INPP4A: variants seen among roughly 807,000 people sequenced by gnomAD.
INPP4A encodes the protein inositol polyphosphate-4-phosphatase type I A, also known as inositol polyphosphate-4-phosphatase, type I, 107kD.
In INPP4A, 33 loss-of-function variants were observed where a neutral mutation model predicts 119.8. The ratio of observed to expected loss-of-function variants is 0.28; its 90% CI spans 0.21 to 0.37. The LOEUF is 0.37. INPP4A is among the 10% of genes least tolerant of loss of function. The probability of loss-of-function intolerance (pLI) is 1.00; values close to 1 mark genes in which losing one functional copy is unlikely to be tolerated. For missense variants in INPP4A, 956 were observed against 1,289.9 expected (o/e 0.74, Z 3.97); for synonymous variants, 496 against 500.7 (o/e 0.99, Z 0.12).
At chr2:98,550,232 C>G (rs1008836190) in intron 13 of INPP4A, among the ~76,000 whole-genome samples, 5 of 152,082 alleles carry the variant, frequency 3.3e-5, no homozygotes, top group Non-Finnish European at 7.4e-5. Flanking sequence ...AAGACTGTCC[C>G]TGAAGCAGGG....
At chr2:98,539,222 A>T (rs1690921956) in intron 9 of INPP4A, among the ~76,000 whole-genome samples, 1 of 152,272 alleles carries the variant, frequency 6.6e-6, no homozygotes, top group South Asian at 2.1e-4. Flanking sequence ...CAAGGAAGTA[A>T]TACTTCATCT....
At chr2:98,525,090 T>C (rs1302144908) in intron 4 of INPP4A, among the ~76,000 whole-genome samples, 1 of 152,246 alleles carries the variant, frequency 6.6e-6, no homozygotes, top group Non-Finnish European at 1.5e-5. Flanking sequence ...ATCTATTTCC[T>C]TGCTCATTCG....
intron 13 of INPP4A, among the ~76,000 whole-genome samples, chr2:98,547,429 C>G (rs1216707739): frequency 6.6e-6 from 1 of 152,130 alleles, no homozygotes; most frequent in Admixed American, 6.5e-5. Context: ...ATCCACCCAG[C>G]CCCCAGGGGT....
intron 24 of INPP4A, among the ~76,000 whole-genome samples, chr2:98,585,795 C>T (rs987859190): frequency 1.3e-5 from 2 of 152,248 alleles, no homozygotes; most frequent in African/African-American, 4.8e-5. Flanking sequence ...GTTCAGCCAG[C>T]TAAACTAGGC....
chr2:98,477,917 C>G (rs1005699459), intron 1 of INPP4A, among the ~76,000 whole-genome samples: 2 of 152,198 alleles, frequency 1.3e-5, no homozygotes, highest in Non-Finnish European at 2.9e-5. Flanking sequence ...GGAGGACCAC[C>G]AGCAGCCGTG....
In INPP4A at chr2:98,519,889, G is replaced by A. The variant is rs17032881; in HGVS notation, c.-103-57G>A. On this transcript the variant is annotated intron_variant, in intron 2 of 24. Coordinates refer to ENST00000409851, the MANE Select transcript of INPP4A (RefSeq NM_001134225.2). ...TAGGTCACGTTCTTTCTAAATGAGA[G>A]CATGATTTCTCTCCATCACCGTCCC... 1.1e-3 allele frequency: 691 copies of A among 637,602 alleles called. 7 individuals carry two copies. In the African/African-American group the frequency reaches 0.011, roughly 10 times the overall value. 39.5% of individuals were successfully genotyped at this position (637,602 alleles called of 1,614,324 possible).
chr2:98,468,823 G>A (rs569142121), intron 1 of INPP4A, among the ~76,000 whole-genome samples: 13 of 150,702 alleles, frequency 8.6e-5, no homozygotes, highest in African/African-American at 3.0e-4. Context: ...TTGAGAGCCA[G>A]AGAGACCCAA....
At chr2:98,581,489 ATCCATC>A in intron 24 of INPP4A, 1 of 1,298,092 alleles carries the variant, frequency 7.7e-7, no homozygotes, top group South Asian at 1.6e-5. Flanking sequence ...TTTTGATAAA[ATCCATC>A]GCATGTGTCT....
chr2:98,513,745 G>A (rs1431957480), intron 1 of INPP4A, among the ~76,000 whole-genome samples: 2 of 152,234 alleles, frequency 1.3e-5, no homozygotes, highest in Non-Finnish European at 2.9e-5. Context: ...TACTGCTCCT[G>A]TTCTCTCTGT....
At chr2:98,573,401 G>C (rs1697833001) in intron 23 of INPP4A, among the ~76,000 whole-genome samples, 1 of 152,194 alleles carries the variant, frequency 6.6e-6, no homozygotes, top group African/African-American at 2.4e-5. Flanking sequence ...CTCTGAGCCT[G>C]GGTAACAGAC....
At chr2:98,480,069 T>C (rs1279509980) in intron 1 of INPP4A, among the ~76,000 whole-genome samples, 3 of 152,260 alleles carry the variant, frequency 2.0e-5, no homozygotes, top group African/African-American at 7.2e-5. Context: ...CTTGCTGTCC[T>C]TGCCAGCACC....
intron 1 of INPP4A, among the ~76,000 whole-genome samples, chr2:98,513,187 C>T (rs1350627687): frequency 1.3e-5 from 2 of 152,158 alleles, no homozygotes; most frequent in Non-Finnish European, 2.9e-5. Context: ...CCTGCATCGC[C>T]TCCCAGAATC....
Position 98,554,163 on chromosome 2 carries a change from A to G in INPP4A, c.1348-108A>G. On this transcript the variant is annotated intron_variant, in intron 14 of 24. Coordinates refer to ENST00000409851, the MANE Select transcript of INPP4A (RefSeq NM_001134225.2). This position sits in a 1 kb window ranked among gnomAD's most constrained non-coding sequence, Gnocchi z 4.7. ...TGCTTTGCACTGTGGAGAAAGGCAG[A>G]GGGGTGCAGTGCTGGGCTTTAAGCC... 1 of 773,594 alleles carries G rather than the reference A, an allele frequency of 1.3e-6. No homozygotes were observed. Among genetic ancestry groups the G allele is most frequent in the Non-Finnish European group, 2.1e-6 (1 of 483,672 alleles). The allele number at this position is 773,594 out of a possible 1,614,324, so 47.9% of individuals were successfully genotyped here.
intron 22 of INPP4A, 35 bp from the exon 23 acceptor site, chr2:98,572,780 G>A (rs201876346): frequency 1.5e-4 from 225 of 1,471,364 alleles, no homozygotes; most frequent in Middle Eastern, 9.1e-4. Context: ...TCCTGGGTGC[G>A]TCACCCACTC....
At chr2:98,553,376 A>G (rs1693897132) in intron 14 of INPP4A, among the ~76,000 whole-genome samples, 2 of 152,188 alleles carry the variant, frequency 1.3e-5, no homozygotes, top group Non-Finnish European at 1.5e-5. Context: ...GAAGAATATA[A>G]TTTTATTGGC....
intron 1 of INPP4A, among the ~76,000 whole-genome samples, chr2:98,509,284 G>A (rs538365089): frequency 8.5e-5 from 13 of 152,310 alleles, no homozygotes; most frequent in African/African-American, 2.2e-4. Flanking sequence ...AGCAGGAGGC[G>A]AGTGGCAGGC....
At chr2:98,512,146 T>G (rs1445182096) in intron 1 of INPP4A, among the ~76,000 whole-genome samples, 1 of 152,346 alleles carries the variant, frequency 6.6e-6, no homozygotes, top group East Asian at 1.9e-4. Flanking sequence ...TGACAGCCCA[T>G]GTACTGAGCT....
At chr2:98,490,785 T>G (rs975828752) in intron 1 of INPP4A, among the ~76,000 whole-genome samples, 5 of 152,182 alleles carry the variant, frequency 3.3e-5, no homozygotes, top group Non-Finnish European at 7.3e-5. Context: ...GGGATGGAGA[T>G]CCTCTGCCTG....
intron 2 of INPP4A, 25 bp downstream of exon 2, chr2:98,519,050 A>C (rs1225316375): frequency 6.6e-6 from 1 of 152,260 alleles, no homozygotes; most frequent in Non-Finnish European, 1.5e-5. Flanking sequence ...GAATTAACCC[A>C]AGGACAGGAG....
Sources: allele counts gnomAD v4.1 joint callset (sites outside exome capture counted in the v4.1 genomes callset), GRCh38; gene constraint gnomAD v4.1.1; non-coding constraint Gnocchi (gnomAD v3.1); transcripts MANE v1.5; gene names NCBI Gene and HGNC (gene_info 2026-07-23, HGNC 2026-07-21).